The following SND1 variants were observed in gnomAD, a reference collection of about 807,000 sequenced individuals.
The protein encoded by SND1 is staphylococcal nuclease domain-containing protein 1.
A neutral mutation model predicts 121.7 loss-of-function variants in SND1; 38 were observed. The ratio of observed to expected loss-of-function variants is 0.31; its 90% CI spans 0.24 to 0.41. The LOEUF is 0.41. SND1 is among the 10% of genes least tolerant of loss of function. The probability of loss-of-function intolerance (pLI) is 1.00; values close to 1 mark genes in which losing one functional copy is unlikely to be tolerated. For synonymous variants in SND1, 401 were observed against 447.4 expected (o/e 0.90, Z 1.31); for missense variants, 868 against 1,184.6 (o/e 0.73, Z 3.92).
chr7:127,765,136 C>A (rs927047300), intron 10 of SND1, among the ~76,000 whole-genome samples: 3 of 152,120 alleles, frequency 2.0e-5, no homozygotes, highest in Non-Finnish European at 4.4e-5. Context: ...TAGGAACACA[C>A]CATGATGCCA....
chr7:127,962,896 C>T (rs185013420), intron 15 of SND1, among the ~76,000 whole-genome samples: 5 of 152,352 alleles, frequency 3.3e-5, no homozygotes, highest in Admixed American at 3.3e-4. Flanking sequence ...TGACACCTCT[C>T]TGAGCCAAAG....
intron 10 of SND1, among the ~76,000 whole-genome samples, chr7:127,745,510 T>A (rs1796966346): frequency 6.6e-6 from 1 of 152,326 alleles, no homozygotes; most frequent in Admixed American, 6.5e-5. Context: ...CTTGCTGTTT[T>A]TTATTTTCAG....
rs911768471 is a variant in SND1 at position 128,015,101 on chromosome 7, C to T, written c.1779+24045C>T. On this transcript the variant is annotated intron_variant, in intron 16 of 23. Coordinates refer to ENST00000354725, the MANE Select transcript of SND1 (RefSeq NM_014390.4). This position sits in a 1 kb window ranked among gnomAD's most constrained non-coding sequence, Gnocchi z 4.5. ...CCATCAGCAGCTGCACCTCCTCCCT[C>T]GCGCCTTCTGTCTGAGCCAACCTTG... Among the ~76,000 whole-genome samples the T allele has an allele frequency of 1.3e-5, 2 of 152,192 alleles. No individual in the cohort carries two copies. The highest frequency in any genetic ancestry group is 4.8e-5 in the African/African-American group (2 of 41,436).
chr7:128,063,540 A>G (rs1419365460), intron 16 of SND1, among the ~76,000 whole-genome samples: 1 of 152,206 alleles, frequency 6.6e-6, no homozygotes, highest in Non-Finnish European at 1.5e-5. Context: ...CAAAGGTAGT[A>G]TTCTGTCCAG....
At position 127,804,795 on chromosome 7, in the gene SND1, A is replaced by T. The variant is rs79904642; in HGVS notation, c.1153-2689A>T. Among the ~76,000 whole-genome samples, 324 of 152,256 alleles carry T rather than the reference A, an allele frequency of 2.1e-3. 12 individuals are homozygous for T. The East Asian group carries it at 0.047, about 22-fold the overall frequency. On this transcript the variant is annotated intron_variant, in intron 10 of 23. Coordinates refer to ENST00000354725, the MANE Select transcript of SND1 (RefSeq NM_014390.4). ...AGGATTTTGGGTTCTGAGGCAAATCATAAGGCTATGTAAGGTCAGTGTCGT... is the reference window on the plus strand; with the variant it reads ...AGGATTTTGGGTTCTGAGGCAAATCTTAAGGCTATGTAAGGTCAGTGTCGT...
chr7:128,030,838 C>T, intron 16 of SND1: 1 of 599,004 alleles, frequency 1.7e-6, no homozygotes, highest in Non-Finnish European at 2.8e-6. Context: ...TCCCAACCCA[C>T]CCTCAAGGCA....
intron 11 of SND1, among the ~76,000 whole-genome samples, chr7:127,837,366 AC>A (rs1798886495): frequency 6.6e-6 from 1 of 152,170 alleles, no homozygotes; most frequent in African/African-American, 2.4e-5. Flanking sequence ...ATATATTGAC[AC>A]GATGTTTTAG....
At chr7:127,871,858 G>A (rs1295522259) in intron 12 of SND1, among the ~76,000 whole-genome samples, 1 of 152,068 alleles carries the variant, frequency 6.6e-6, no homozygotes, top group African/African-American at 2.4e-5. Flanking sequence ...AGGCTGGGAG[G>A]AGGGACTCAC....
At chr7:128,047,870 G>A (rs574424561) in intron 16 of SND1, among the ~76,000 whole-genome samples, 92 of 150,434 alleles carry the variant, frequency 6.1e-4, no homozygotes, top group African/African-American at 2.1e-3. Context: ...TTTTTGAGAC[G>A]AAATTTCGCT....
At chr7:127,743,830 A>G (rs1290427501) in intron 10 of SND1, among the ~76,000 whole-genome samples, 2 of 152,084 alleles carry the variant, frequency 1.3e-5, no homozygotes, top group Non-Finnish European at 2.9e-5. Context: ...AATTCTGAGT[A>G]TTTTTCCTGT....
intron 11 of SND1, among the ~76,000 whole-genome samples, chr7:127,829,132 G>T (rs1279111302): frequency 1.3e-5 from 2 of 152,146 alleles, no homozygotes; most frequent in African/African-American, 4.8e-5. Flanking sequence ...ATTACAGTCT[G>T]GTTCGTTTGA....
chr7:127,803,484 T>C (rs1798173483), intron 10 of SND1, among the ~76,000 whole-genome samples: 1 of 152,198 alleles, frequency 6.6e-6, no homozygotes, highest in Non-Finnish European at 1.5e-5. Context: ...TTTTTATTTT[T>C]TACACTTTAA....
rs148752452 is a variant in SND1 at position 128,040,092 on chromosome 7, C to G, written c.1780-34410C>G. Among the ~76,000 whole-genome samples the G allele has an allele frequency of 1.4e-4, 21 of 152,094 alleles. 1 individual carries two copies. In the South Asian group the frequency reaches 2.7e-3, roughly 20 times the overall value. On this transcript the variant is annotated intron_variant, in intron 16 of 23. Coordinates refer to ENST00000354725, the MANE Select transcript of SND1 (RefSeq NM_014390.4). ...CCAAGGAAGAATTCCATCAACGAAC[C>G]CTTAATTTAAAAACACTCAGGGAGA...
At chr7:127,925,050 T>G (rs1196796489) in intron 14 of SND1, among the ~76,000 whole-genome samples, 1 of 152,218 alleles carries the variant, frequency 6.6e-6, no homozygotes, top group Non-Finnish European at 1.5e-5. Flanking sequence ...TGAAATGAAG[T>G]CACCCCAGGC....
chr7:127,730,992 A>G (rs758197741), intron 10 of SND1, among the ~76,000 whole-genome samples: 1 of 152,250 alleles, frequency 6.6e-6, no homozygotes, highest in African/African-American at 2.4e-5. Flanking sequence ...TCATATTCGT[A>G]TGGAGCTGCC....
At chr7:127,798,576 C>CT (rs199793801) in intron 10 of SND1, among the ~76,000 whole-genome samples, 3 of 148,988 alleles carry the variant, frequency 2.0e-5, no homozygotes, top group Admixed American at 6.7e-5. Flanking sequence ...AACCTACTTA[C>CT]TTTTTTTTTT....
At chr7:128,066,276 C>G (rs1793312757) in intron 16 of SND1, among the ~76,000 whole-genome samples, 1 of 152,238 alleles carries the variant, frequency 6.6e-6, no homozygotes, top group African/African-American at 2.4e-5. Flanking sequence ...TCACCCACAG[C>G]ACAGGCCTTT....
At chr7:128,039,071 T>G (rs1277862174) in intron 16 of SND1, among the ~76,000 whole-genome samples, 1 of 152,190 alleles carries the variant, frequency 6.6e-6, no homozygotes, top group Admixed American at 6.5e-5. Context: ...TCCCTGCCCT[T>G]CAGCTACACT....
chr7:127,806,264 C>T (rs1456217641), intron 10 of SND1, among the ~76,000 whole-genome samples: 1 of 152,166 alleles, frequency 6.6e-6, no homozygotes. Context: ...CTTTCTACAC[C>T]ATTGTCAGTT....
Sources: allele counts gnomAD v4.1 joint callset (sites outside exome capture counted in the v4.1 genomes callset), GRCh38; gene constraint gnomAD v4.1.1; non-coding constraint Gnocchi (gnomAD v3.1); transcripts MANE v1.5; gene names NCBI Gene and HGNC (gene_info 2026-07-23, HGNC 2026-07-21).